DMXL1: variants seen among roughly 807,000 people sequenced by gnomAD.
DMXL1 encodes dmX-like protein 1.
Under a neutral mutation model 319.2 loss-of-function variants are expected in DMXL1, and 99 were observed. That is an observed-to-expected ratio of 0.31 (90% CI 0.26 to 0.37). DMXL1 has a LOEUF of 0.37. Among genes scored for constraint, DMXL1 ranks in the 10% least tolerant of loss-of-function variants. The probability of loss-of-function intolerance (pLI) is 1.00; values close to 1 mark genes in which losing one functional copy is unlikely to be tolerated. For synonymous variants in DMXL1, 1,385 were observed against 1,235.2 expected, an observed-to-expected ratio of 1.12 and a Z score of -2.54; for missense variants, 3,745 against 3,595.6, an observed-to-expected ratio of 1.04 and a Z score of -1.06.
Position 119,114,512 on chromosome 5 carries a change from G to C in DMXL1, c.535G>C (p.Asp179His), listed in dbSNP as rs1372069367. The change falls in exon 6 of 44, where the codon GAT (aspartate) becomes CAT (histidine). Residue 179 changes from aspartate to histidine, a missense_variant. Asp to His is a moderately conservative substitution (Grantham distance 81). Around this residue, in one of 4 missense-constraint regions of DMXL1, gnomAD observed 2,096 missense variants for 1,985.4 expected, o/e 1.06. Transcript: ENST00000539542. ...SQVHLMKFSP[D>H]GEFFATAGKD... is the part of the protein sequence containing the mutation. ...AGTTCATTTAATGAAATTTTCACCA[G>C]ATGGAGAATTTTTTGCCACTGCTGG... 29 of 1,610,338 alleles carry C rather than the reference G, an allele frequency of 1.8e-5. No homozygotes were observed. Among genetic ancestry groups the C allele is most frequent in the Non-Finnish European group, 2.4e-5 (28 of 1,178,880 alleles).
Position 119,237,307 on chromosome 5 carries a change from T to C in DMXL1, c.8467-15T>C, listed in dbSNP as rs746666192. The C allele has an allele frequency of 1.6e-5, 23 of 1,465,338 alleles. No homozygotes were observed. The highest frequency in any genetic ancestry group is 2.2e-5 in the Non-Finnish European group (23 of 1,056,218). The allele number at this position is 1,465,338 out of a possible 1,614,324, so 90.8% of individuals were successfully genotyped here. A position where few individuals can be genotyped will look rare whatever the true frequency, so the allele number is the denominator to read the frequency against. ...TATTTATATTAAATACTTTTAAATA[T>C]TTTCTTTCTCTAAGTTTGGAATAGT... On this transcript the variant is annotated splice_polypyrimidine_tract_variant and intron_variant, in intron 39 of 43. Coordinates refer to ENST00000539542, the MANE Select transcript of DMXL1 (RefSeq NM_001290321.3).
At chr5:119,071,701 C>G in intron 1 of DMXL1, 45 bp downstream of exon 1, 3 of 1,533,402 alleles carry the variant, frequency 2.0e-6, no homozygotes, top group Admixed American at 3.9e-5. Flanking sequence ...CGGCCTTTGC[C>G]CGTCATTCTG....
chr5:119,128,555 G>A (rs1056384415), intron 9 of DMXL1: 13 of 156,682 alleles, frequency 8.3e-5, no homozygotes, highest in East Asian at 1.9e-4. Context: ...GTTCAGACCC[G>A]TAGAATGTAC....
intron 42 of DMXL1, among the ~76,000 whole-genome samples, chr5:119,244,135 A>G (rs535381568): frequency 3.6e-4 from 55 of 152,316 alleles, no homozygotes; most frequent in African/African-American, 1.3e-3. Context: ...GTAGTAAGCT[A>G]GGGCAGTTTT....
intron 10 of DMXL1, 68 bp from the exon 11 acceptor site, chr5:119,133,064 C>G: frequency 6.5e-7 from 1 of 1,549,464 alleles, no homozygotes; most frequent in Non-Finnish European, 8.8e-7. Context: ...TCCAGAAGCT[C>G]GGTAATTCTT....
chr5:119,078,153 A>G (rs1215284621), intron 1 of DMXL1, among the ~76,000 whole-genome samples: 1 of 152,156 alleles, frequency 6.6e-6, no homozygotes, highest in Non-Finnish European at 1.5e-5. Context: ...TTTATTTAAA[A>G]CAAGTTTTTA....
intron 1 of DMXL1, among the ~76,000 whole-genome samples, chr5:119,072,973 A>G (rs1306091068): frequency 6.6e-6 from 1 of 152,196 alleles, no homozygotes; most frequent in Non-Finnish European, 1.5e-5. Context: ...AGGTTTTCCT[A>G]GTGGGAAATT....
intron 28 of DMXL1, among the ~76,000 whole-genome samples, chr5:119,187,164 C>T (rs539477139): frequency 6.6e-6 from 1 of 152,072 alleles, no homozygotes; most frequent in South Asian, 2.1e-4. Flanking sequence ...CCTGTGAATG[C>T]CTTAGTTTTT....
In DMXL1 at chr5:119,170,796, C is replaced by T. The variant is rs1331054575; in HGVS notation, c.6005C>T (p.Ser2002Phe). ...KTDKKLDDIS[S>F]NYTESFSTLD... Reference sequence around the variant, plus strand: ...GATAAAAAGTTGGATGACATAAGTTCTAACTACACAGAATCTTTCAGCACA... The same window carrying T: ...GATAAAAAGTTGGATGACATAAGTTTTAACTACACAGAATCTTTCAGCACA... Residue 2002 changes from serine (S) to phenylalanine (F), a missense_variant, in exon 24 of 44, where the codon TCT becomes TTT. Ser to Phe is a radical substitution (Grantham distance 155). This residue lies in a region of DMXL1 where 1,382 missense variants were observed against 1,269.5 expected (regional missense o/e 1.09). Transcript: ENST00000539542. 2 of 1,611,424 alleles carry T rather than the reference C, an allele frequency of 1.2e-6. No individual in the cohort carries two copies. The highest frequency in any genetic ancestry group is 2.7e-5 in the African/African-American group (2 of 73,992).
intron 10 of DMXL1, 39 bp downstream of exon 10, chr5:119,129,462 C>T (rs757155820): frequency 1.4e-6 from 2 of 1,428,576 alleles, no homozygotes; most frequent in South Asian, 1.3e-5. Context: ...AAGTTTTGCT[C>T]AAAATAGCAA....
At chr5:119,240,670 G>A (rs1356360646) in intron 42 of DMXL1, among the ~76,000 whole-genome samples, 199 bp downstream of exon 42, 1 of 152,160 alleles carries the variant, frequency 6.6e-6, no homozygotes, top group Non-Finnish European at 1.5e-5. Context: ...GGGGGACAGT[G>A]AGACATCGAT....
Position 119,121,122 on chromosome 5 carries a change from G to A in DMXL1, c.1085G>A (p.Ser362Asn). 2.5e-6 allele frequency: 4 copies of A among 1,604,810 alleles called. No individual in the cohort carries two copies. The highest frequency in any genetic ancestry group is 2.5e-6 in the Non-Finnish European group (3 of 1,177,246). Residue 362 changes from serine to asparagine, a missense_variant, in exon 9 of 44, where the codon AGC becomes AAC. Ser to Asn is a conservative substitution (Grantham distance 46). Around this residue, in one of 4 missense-constraint regions of DMXL1, gnomAD observed 2,096 missense variants for 1,985.4 expected, o/e 1.06. Transcript: ENST00000539542. ...NALCHFHIAA[S>N]INPATDIPLL... ...CTTTGCCACTTTCATATTGCAGCCAGCATCAACCCAGCCACAGGTAATGAA... is the reference window on the plus strand; with the variant it reads ...CTTTGCCACTTTCATATTGCAGCCAACATCAACCCAGCCACAGGTAATGAA...
intron 1 of DMXL1, among the ~76,000 whole-genome samples, chr5:119,082,062 CGTAT>C (rs1752375678): frequency 6.9e-6 from 1 of 144,750 alleles, no homozygotes; most frequent in Non-Finnish European, 1.5e-5. Context: ...CACACATACA[CGTAT>C]ATACATGTTC....
At chr5:119,177,563 C>A in intron 27 of DMXL1, 79 bp downstream of exon 27, 1 of 1,245,696 alleles carries the variant, frequency 8.0e-7, no homozygotes, top group Non-Finnish European at 1.1e-6. Flanking sequence ...TTTAGTTTTG[C>A]CACATGATAA....
intron 25 of DMXL1, among the ~76,000 whole-genome samples, chr5:119,174,988 C>T (rs971835094): frequency 1.3e-5 from 2 of 152,154 alleles, no homozygotes; most frequent in Admixed American, 6.5e-5. Flanking sequence ...GGAGAGCTGA[C>T]ATCTGTTCCC....
At position 119,197,870 on chromosome 5, in the gene DMXL1, A is replaced by G. The variant is rs201904279; in HGVS notation, c.7659A>G (p.Ala2553=). 6.2e-7 allele frequency: 1 copy of G among 1,614,048 alleles called. No homozygotes were observed. Among genetic ancestry groups the G allele is most frequent in the Non-Finnish European group, 8.5e-7 (1 of 1,180,022 alleles). The change falls in exon 32 of 44, where the codon GCA becomes GCG. Residue 2553 remains alanine, a synonymous_variant. Coordinates refer to ENST00000539542, the MANE Select transcript of DMXL1 (RefSeq NM_001290321.3). The part of the protein sequence containing the change: ...IHGGPPQNYI[A]SHTAEESLSA... The stretch of plus-strand genomic sequence containing the variant: ...GTGGGCCACCTCAAAATTATATCGC[A>G]AGTCATACCGCCGAAGAGAGTTTGT...
At position 119,194,916 on chromosome 5, in the gene DMXL1, A is replaced by G. The variant is rs764026393; in HGVS notation, c.7457+946A>G. On this transcript the variant is annotated intron_variant, in intron 30 of 43. Transcript: ENST00000539542. ...TTTCTAAAAAAAAAAATTTTAATGA[A>G]CAAAAAACTTGAATAGACATTTCTC... is the stretch of plus-strand genomic sequence containing the variant. 4.6e-5 allele frequency among the ~76,000 whole-genome samples: 7 copies of G among 152,162 alleles called. 1 individual carries two copies. Among genetic ancestry groups the G allele is most frequent in the Non-Finnish European group, 8.8e-5 (6 of 68,040 alleles).
intron 19 of DMXL1, among the ~76,000 whole-genome samples, chr5:119,154,949 C>T (rs144122895): frequency 6.8e-4 from 104 of 152,196 alleles, no homozygotes; most frequent in African/African-American, 2.4e-3. Flanking sequence ...TATGTGAAAC[C>T]TATTCTGCCT....
In DMXL1 at chr5:119,134,207, T is replaced by C. The variant is rs778359152; in HGVS notation, c.2254+29T>C. 10 of 1,606,422 alleles carry C rather than the reference T, an allele frequency of 6.2e-6. No homozygotes were observed. The Admixed American group carries it at 1.7e-4, about 28-fold the overall frequency. Reference sequence around the variant, plus strand: ...AGTATTCTGGTTTTTATTACAGTAATTTAGATTTGCTGACATTATCATCAA... The same window carrying C: ...AGTATTCTGGTTTTTATTACAGTAACTTAGATTTGCTGACATTATCATCAA... On this transcript the variant is annotated intron_variant, in intron 12 of 43. Coordinates refer to ENST00000539542, the MANE Select transcript of DMXL1 (RefSeq NM_001290321.3).
Sources: allele counts gnomAD v4.1 joint callset (sites outside exome capture counted in the v4.1 genomes callset), GRCh38; gene constraint gnomAD v4.1.1; regional missense constraint gnomAD v4.1.1; transcripts MANE v1.5; gene names NCBI Gene and HGNC (gene_info 2026-07-23, HGNC 2026-07-21).